The following CRYBG3 variants were observed in gnomAD, a reference collection of about 807,000 sequenced individuals.
The protein encoded by CRYBG3 is very large A-kinase anchor protein.
In CRYBG3, 127 loss-of-function variants were observed where a neutral mutation model predicts 244.2. That is an observed-to-expected ratio of 0.52 (90% CI 0.45 to 0.60). CRYBG3 has a LOEUF of 0.60. Ranked by LOEUF, CRYBG3 falls within the 20% of genes least tolerant of loss-of-function variation. The probability of loss-of-function intolerance (pLI) is 0.00; values close to 1 mark genes in which losing one functional copy is unlikely to be tolerated. For missense variants in CRYBG3, 3,325 were observed against 3,442.5 expected (o/e 0.97, Z 0.85); for synonymous variants, 1,132 against 1,195.8 (o/e 0.95, Z 1.10).
chr3:97,924,910 G>A (rs972464680), intron 17 of CRYBG3, among the ~76,000 whole-genome samples: 12 of 152,162 alleles, frequency 7.9e-5, no homozygotes, highest in African/African-American at 2.9e-4. Flanking sequence ...GTAGGGAGAG[G>A]AGGCAGGCAT....
intron 1 of CRYBG3, among the ~76,000 whole-genome samples, chr3:97,834,124 C>T (rs1281162518): frequency 6.6e-6 from 1 of 152,100 alleles, no homozygotes; most frequent in African/African-American, 2.4e-5. Flanking sequence ...GGTTGAATTT[C>T]AACATGAACT....
intron 17 of CRYBG3, among the ~76,000 whole-genome samples, chr3:97,931,642 A>T (rs113120081): frequency 0.028 from 4,312 of 152,186 alleles, 101 homozygotes; most frequent in Non-Finnish European, 0.044. Flanking sequence ...ACATTAAGAT[A>T]TCTGGGCATG....
In CRYBG3 at chr3:97,877,063, A is replaced by G. The variant is rs540173091; in HGVS notation, c.5869A>G (p.Thr1957Ala). ...PAMPDFQPGDTTVRLDKRMSL... is the reference protein window; with the variant it reads ...PAMPDFQPGDATVRLDKRMSL... ...AATGCCAGATTTTCAACCTGGGGAT[A>G]CCACAGTAAGACTAGACAAAAGAAT... Residue 1957 changes from threonine (T) to alanine (A), a missense_variant, in exon 4 of 22, where the codon ACC becomes GCC. Around this residue, in one of 4 missense-constraint regions of CRYBG3, gnomAD observed 450 missense variants for 424.1 expected, o/e 1.06. Transcript: ENST00000389622. 22 of 1,601,420 alleles carry G rather than the reference A, an allele frequency of 1.4e-5. No individual in the cohort carries two copies. Among genetic ancestry groups the G allele is most frequent in the Non-Finnish European group, 1.9e-5 (22 of 1,173,152 alleles).
intron 1 of CRYBG3, among the ~76,000 whole-genome samples, chr3:97,833,750 A>G (rs773739972): frequency 2.6e-5 from 4 of 152,124 alleles, no homozygotes; most frequent in Non-Finnish European, 4.4e-5. Context: ...ATTACAAAAC[A>G]GAGGTTTTTC....
At chr3:97,909,698 C>T (rs2039839066) in intron 15 of CRYBG3, among the ~76,000 whole-genome samples, 1 of 151,980 alleles carries the variant, frequency 6.6e-6, no homozygotes, top group South Asian at 2.1e-4. Context: ...TTTGAATGTC[C>T]TCCCGTAGCT....
At chr3:97,884,484 A>G (rs541049433) in intron 7 of CRYBG3, among the ~76,000 whole-genome samples, 2 of 152,288 alleles carry the variant, frequency 1.3e-5, no homozygotes, top group South Asian at 4.1e-4. Flanking sequence ...TTTGTTAACT[A>G]TAAAACTGTC....
At chr3:97,899,563 T>G (rs549912707) in intron 14 of CRYBG3, among the ~76,000 whole-genome samples, 1 of 152,194 alleles carries the variant, frequency 6.6e-6, no homozygotes, top group Non-Finnish European at 1.5e-5. Context: ...GTCCTGATGG[T>G]TCTGTCTCCC....
intron 7 of CRYBG3, among the ~76,000 whole-genome samples, chr3:97,882,775 GAGAAATTA>G (rs2039465522): frequency 6.6e-6 from 1 of 152,180 alleles, no homozygotes; most frequent in South Asian, 2.1e-4. Flanking sequence ...ATAGCATTCA[GAGAAATTA>G]AATATAGCCT....
At chr3:97,907,273 G>C (rs931081797) in intron 15 of CRYBG3, among the ~76,000 whole-genome samples, 1 of 152,158 alleles carries the variant, frequency 6.6e-6, no homozygotes, top group Non-Finnish European at 1.5e-5. Context: ...AATGAGTTAG[G>C]GAGGATTCCC....
At chr3:97,870,817 G>T (rs1220348614) in intron 3 of CRYBG3, among the ~76,000 whole-genome samples, 1 of 152,186 alleles carries the variant, frequency 6.6e-6, no homozygotes, top group African/African-American at 2.4e-5. Context: ...ACAGAAAGAT[G>T]ATTAGGACAC....
intron 3 of CRYBG3, among the ~76,000 whole-genome samples, chr3:97,871,055 G>A (rs1470496570): frequency 6.6e-6 from 1 of 152,180 alleles, no homozygotes; most frequent in Non-Finnish European, 1.5e-5. Context: ...AGAGAATGAT[G>A]TGTGTAATTG....
chr3:97,855,576 T>A (rs1559720177), intron 2 of CRYBG3, among the ~76,000 whole-genome samples: 1 of 152,186 alleles, frequency 6.6e-6, no homozygotes, highest in Admixed American at 6.6e-5. Flanking sequence ...AGCTTGTATA[T>A]GTCCAGGTAT....
intron 19 of CRYBG3, among the ~76,000 whole-genome samples, chr3:97,939,231 C>T (rs780324833): frequency 1.1e-4 from 16 of 151,898 alleles, no homozygotes; most frequent in South Asian, 2.1e-4. Context: ...TTTCACTGTG[C>T]GTTAGGAGCT....
intron 2 of CRYBG3, among the ~76,000 whole-genome samples, chr3:97,846,817 T>C (rs916704887): frequency 6.6e-6 from 1 of 152,170 alleles, no homozygotes; most frequent in African/African-American, 2.4e-5. Context: ...TCTGTCTGCT[T>C]TTGCCTTCTA....
chr3:97,928,014 A>C (rs1426039764), intron 17 of CRYBG3, among the ~76,000 whole-genome samples: 1 of 152,168 alleles, frequency 6.6e-6, no homozygotes, highest in African/African-American at 2.4e-5. Flanking sequence ...CAAAGAATGT[A>C]GAACTACCAT....
chr3:97,905,144 T>C (rs1172622636), intron 15 of CRYBG3, among the ~76,000 whole-genome samples: 1 of 152,138 alleles, frequency 6.6e-6, no homozygotes, highest in African/African-American at 2.4e-5. Context: ...AGTCTATCAT[T>C]GTTGGACATT....
intron 15 of CRYBG3, among the ~76,000 whole-genome samples, chr3:97,908,268 T>C (rs1023514723): frequency 6.6e-6 from 1 of 152,184 alleles, no homozygotes; most frequent in Non-Finnish European, 1.5e-5. Flanking sequence ...TAGGTCCGCT[T>C]GGTGCAGAGC....
chr3:97,872,136 A>G lies in CRYBG3; in HGVS notation c.942A>G (p.Glu314=). Residue 314 remains glutamate (E), a synonymous_variant, in exon 4 of 22, where the codon GAA becomes GAG. Transcript: ENST00000389622. ...SDCSKTSFNK[E]NSLTNNPELQ... is the part of the protein sequence containing the mutation. Reference sequence around the variant, plus strand: ...GTAGCAAAACAAGTTTCAACAAGGAAAATTCTTTGACAAATAACCCAGAAC... The same window carrying G: ...GTAGCAAAACAAGTTTCAACAAGGAGAATTCTTTGACAAATAACCCAGAAC... The G allele has an allele frequency of 4.6e-6, 7 of 1,536,028 alleles. No individual in the cohort carries two copies. The East Asian group carries it at 1.5e-4, about 32-fold the overall frequency.
rs1428435253 is a variant in CRYBG3, at chr3:97,933,387, C to T, written c.8242-307C>T. On this transcript the variant is annotated intron_variant, in intron 17 of 21. Coordinates refer to ENST00000389622, the MANE Select transcript of CRYBG3 (RefSeq NM_153605.4). ...AAGCATTGGCAGGACTAATTATGGT[C>T]CATATTACAGTACCACAAGACCTTA... The T allele has an allele frequency of 1.8e-5, 7 of 399,168 alleles. No homozygotes were observed. The East Asian group carries it at 4.3e-4, about 25-fold the overall frequency. The allele number at this position is 399,168 out of a possible 1,614,324, so 24.7% of individuals were successfully genotyped here.
Sources: allele counts gnomAD v4.1 joint callset (sites outside exome capture counted in the v4.1 genomes callset), GRCh38; gene constraint gnomAD v4.1.1; regional missense constraint gnomAD v4.1.1; transcripts MANE v1.5; gene names NCBI Gene and HGNC (gene_info 2026-07-23, HGNC 2026-07-21).